The following SAMSN1 variants were observed in gnomAD, a reference collection of about 807,000 sequenced individuals.
SAMSN1 encodes SAM domain-containing protein SAMSN-1.
In SAMSN1, 31 loss-of-function variants were observed where a neutral mutation model predicts 42.0. That is an observed-to-expected ratio of 0.74 (90% CI 0.55 to 1.00). The LOEUF is 1.00. Ranked by LOEUF, SAMSN1 falls within the 50% of genes least tolerant of loss-of-function variation. SAMSN1 has a pLI of 0.00. For missense variants in SAMSN1, 464 were observed against 439.4 expected (o/e 1.06, Z -0.50); for synonymous variants, 178 against 151.9 (o/e 1.17, Z -1.26).
chr21:14,573,558 A>C (rs1199830005), intron 2 of SAMSN1, among the ~76,000 whole-genome samples: 1 of 152,188 alleles, frequency 6.6e-6, no homozygotes, highest in Non-Finnish European at 1.5e-5. Context: ...CAAAACCCTA[A>C]ACCTAAACCA....
In SAMSN1 at chr21:14,648,914, T is replaced by A. The variant is rs1425128615; in HGVS notation, c.25-5781A>T. ...ATACCATTTGACCCAGCCATCCCAT[T>A]ACTGGGTATATACCCAAAGGACTAT... On this transcript the variant is annotated intron_variant, in intron 1 of 15. Coordinates refer to the SAMSN1 transcript ENST00000647101. Among the ~76,000 whole-genome samples, 7 of 151,588 alleles carry A rather than the reference T, an allele frequency of 4.6e-5. No homozygotes were observed. The East Asian group carries it at 9.7e-4, about 21-fold the overall frequency.
chr21:14,500,509 C>T lies in SAMSN1; in HGVS notation c.768+20G>A, dbSNP rs752956606. On this transcript the variant is annotated intron_variant, in intron 6 of 7. Coordinates refer to ENST00000400566, the MANE Select transcript of SAMSN1 (RefSeq NM_022136.5). ...CCATTTACATGCTTCCAAAAGCAAACAGAACACAGATTTGCTCACCTGCAG... is the reference window on the plus strand; with the variant it reads ...CCATTTACATGCTTCCAAAAGCAAATAGAACACAGATTTGCTCACCTGCAG... The T allele has an allele frequency of 6.2e-7, 1 of 1,606,696 alleles. No homozygotes were observed. Among genetic ancestry groups the T allele is most frequent in the Admixed American group, 1.7e-5 (1 of 59,908 alleles).
At position 14,626,817 on chromosome 21, in the gene SAMSN1, C is replaced by T. The variant is rs376599482; in HGVS notation, c.157-10801G>A. Among the ~76,000 whole-genome samples the T allele has an allele frequency of 4.7e-3, 710 of 152,244 alleles. 2 individuals carry two copies. Among genetic ancestry groups the T allele is most frequent in the African/African-American group, 0.016 (661 of 41,550 alleles). On this transcript the variant is annotated intron_variant, in intron 2 of 15. Coordinates refer to the SAMSN1 transcript ENST00000647101. The stretch of plus-strand genomic sequence containing the variant: ...ATTATAAATCATGCTGCTATAAAGA[C>T]ACATGCACACGTATGTTTATTGTGG...
intron 1 of SAMSN1, among the ~76,000 whole-genome samples, chr21:14,542,617 C>T (rs1384979402): frequency 6.6e-6 from 1 of 152,132 alleles, no homozygotes; most frequent in African/African-American, 2.4e-5. Flanking sequence ...TTTAAAATCA[C>T]TATCAGTAAT....
At chr21:14,491,788 C>T (rs1986698721) in intron 7 of SAMSN1, among the ~76,000 whole-genome samples, 1 of 152,092 alleles carries the variant, frequency 6.6e-6, no homozygotes, top group South Asian at 2.1e-4. Flanking sequence ...TAATTTTCAG[C>T]TGTTTTTAAA....
chr21:14,615,996 A>G (rs1388265905), exon 3 of SAMSN1: 3 of 593,790 alleles, frequency 5.1e-6, no homozygotes, highest in Non-Finnish European at 9.4e-6. Context: ...TTGGTTTTGC[A>G]TTCTCTAAAT....
At chr21:14,579,770 C>T (rs373038000) in intron 2 of SAMSN1, among the ~76,000 whole-genome samples, 4 of 151,720 alleles carry the variant, frequency 2.6e-5, no homozygotes, top group African/African-American at 9.7e-5. Context: ...GTGTGAGCCA[C>T]CACACCTGGC....
intron 6 of SAMSN1, among the ~76,000 whole-genome samples, chr21:14,500,097 T>A (rs1388179434): frequency 6.6e-6 from 1 of 152,200 alleles, no homozygotes; most frequent in Non-Finnish European, 1.5e-5. Context: ...TTTAAAATGA[T>A]TATATTCAGT....
chr21:14,558,351 T>G (rs759228981), intron 2 of SAMSN1, among the ~76,000 whole-genome samples: 14 of 151,776 alleles, frequency 9.2e-5, no homozygotes, highest in Non-Finnish European at 1.8e-4. Context: ...CAGCAAAAAT[T>G]TGGAAACACG....
At chr21:14,510,721 C>T (rs1330337523) in intron 4 of SAMSN1, among the ~76,000 whole-genome samples, 2 of 152,156 alleles carry the variant, frequency 1.3e-5, no homozygotes, top group South Asian at 2.1e-4. Flanking sequence ...CTTCAGTCTC[C>T]GTAATCGGAT....
At chr21:14,497,902 TTACAAA>T (rs1203586701) in intron 7 of SAMSN1, among the ~76,000 whole-genome samples, 4 of 152,218 alleles carry the variant, frequency 2.6e-5, no homozygotes, top group Non-Finnish European at 5.9e-5. Context: ...CAGTTAATAC[TTACAAA>T]TACAGAGAAC....
chr21:14,572,943 C>T (rs1373160502), intron 2 of SAMSN1, among the ~76,000 whole-genome samples: 1 of 152,174 alleles, frequency 6.6e-6, no homozygotes, highest in East Asian at 1.9e-4. Context: ...CTTTGAGCTT[C>T]AGATTTCTAC....
At chr21:14,506,432 T>C (rs1408458773) in intron 5 of SAMSN1, among the ~76,000 whole-genome samples, 1 of 151,994 alleles carries the variant, frequency 6.6e-6, no homozygotes, top group Non-Finnish European at 1.5e-5. Context: ...ATGCATAAAC[T>C]AGAAAACCTA....
chr21:14,486,534 T>C (rs1294363663), intron 7 of SAMSN1, among the ~76,000 whole-genome samples: 5 of 152,188 alleles, frequency 3.3e-5, no homozygotes, highest in Admixed American at 6.6e-5. Flanking sequence ...TCCAAGTCAA[T>C]AGTGATCTTT....
At position 14,521,247 on chromosome 21, in the gene SAMSN1, A is replaced by G. The variant is rs112850164; in HGVS notation, c.58-26T>C. The stretch of plus-strand genomic sequence containing the variant: ...CTATAAAATAGAAAAGAAAAAGCAA[A>G]GGAAACTTAGAATTTATTTTCACTG... On this transcript the variant is annotated intron_variant, in intron 1 of 7. Transcript: ENST00000400566. 6.1e-5 allele frequency: 94 copies of G among 1,539,786 alleles called. 1 individual carries two copies. The African/African-American group carries it at 1.1e-3, about 18-fold the overall frequency.
chr21:14,640,362 T>C (rs1218185208), intron 2 of SAMSN1, among the ~76,000 whole-genome samples: 1 of 152,120 alleles, frequency 6.6e-6, no homozygotes, highest in Non-Finnish European at 1.5e-5. Context: ...TCTGGAAAGG[T>C]TACAAATACC....
At chr21:14,592,837 C>T (rs966405589) in intron 7 of SAMSN1, among the ~76,000 whole-genome samples, 1 of 152,140 alleles carries the variant, frequency 6.6e-6, no homozygotes, top group Admixed American at 6.6e-5. Flanking sequence ...GCTTCTGTTT[C>T]TAATTAAGGA....
At chr21:14,548,319 A>G (rs149575311), upstream of SAMSN1, among the ~76,000 whole-genome samples, 5 of 152,316 alleles carry the variant, frequency 3.3e-5, no homozygotes, top group East Asian at 9.6e-4. Flanking sequence ...TTTTATGTCA[A>G]AAAATGTTTG....
At chr21:14,639,211 G>A (rs542927078) in intron 2 of SAMSN1, among the ~76,000 whole-genome samples, 50 of 152,282 alleles carry the variant, frequency 3.3e-4, no homozygotes, top group African/African-American at 1.1e-3. Flanking sequence ...AACATTTTAT[G>A]TTCTCTGTCT....
Sources: allele counts gnomAD v4.1 joint callset (sites outside exome capture counted in the v4.1 genomes callset), GRCh38; gene constraint gnomAD v4.1.1; transcripts MANE v1.5; gene names NCBI Gene and HGNC (gene_info 2026-07-23, HGNC 2026-07-21).